The following KIRREL3 variants were observed in gnomAD, a reference collection of about 807,000 sequenced individuals.
KIRREL3 encodes the protein kirre like nephrin family adhesion molecule 3, also known as kin of IRRE-like protein 3.
In KIRREL3, 36 loss-of-function variants were observed where a neutral mutation model predicts 89.7. That is an observed-to-expected ratio of 0.40 (90% CI 0.31 to 0.53). KIRREL3 has a LOEUF of 0.53. KIRREL3 is among the 20% of genes least tolerant of loss of function. The probability of loss-of-function intolerance (pLI) is 0.49; values close to 1 mark genes in which losing one functional copy is unlikely to be tolerated. For missense variants in KIRREL3, 864 were observed against 1,056.6 expected (o/e 0.82, Z 2.53); for synonymous variants, 445 against 441.4 (o/e 1.01, Z -0.10).
In KIRREL3 at chr11:126,989,734, T is replaced by G. The variant is rs1949970285; in HGVS notation, c.55+10721A>C. Among the ~76,000 whole-genome samples the G allele has an allele frequency of 6.6e-6, 1 of 152,204 alleles. No homozygotes were observed. Among genetic ancestry groups the G allele is most frequent in the South Asian group, 2.1e-4 (1 of 4,828 alleles). On this transcript the variant is annotated intron_variant, in intron 1 of 16. Coordinates refer to ENST00000525144, the MANE Select transcript of KIRREL3 (RefSeq NM_032531.4). The surrounding 1 kb of genome is among the most constrained non-coding windows in gnomAD (Gnocchi z 6.2). ...TAGGGCCAACAGGGGAACGAAGTCTTAGGGCCAACAGGGTTCCCCCGGTGT... is the reference window on the plus strand; with the variant it reads ...TAGGGCCAACAGGGGAACGAAGTCTGAGGGCCAACAGGGTTCCCCCGGTGT...
At chr11:126,731,778 G>A (rs1488260751) in intron 1 of KIRREL3, among the ~76,000 whole-genome samples, 1 of 152,236 alleles carries the variant, frequency 6.6e-6, no homozygotes, top group African/African-American at 2.4e-5. Flanking sequence ...CTAATCACAT[G>A]TGGTGGCTGC....
chr11:126,875,162 C>T (rs921822244), intron 1 of KIRREL3, among the ~76,000 whole-genome samples: 11 of 152,292 alleles, frequency 7.2e-5, no homozygotes, highest in Admixed American at 5.9e-4. Flanking sequence ...CCAATATAGT[C>T]TTCAGCACAC....
intron 1 of KIRREL3, among the ~76,000 whole-genome samples, chr11:126,618,127 C>A (rs1210659663): frequency 2.0e-5 from 3 of 152,186 alleles, no homozygotes; most frequent in Non-Finnish European, 2.9e-5. Context: ...CCTCCCCACT[C>A]CCCTCTCCTC....
intron 1 of KIRREL3, among the ~76,000 whole-genome samples, chr11:126,833,036 C>A (rs1166632577): frequency 6.6e-6 from 1 of 152,146 alleles, no homozygotes; most frequent in Non-Finnish European, 1.5e-5. Context: ...TGTCCGTGTG[C>A]GGCTGTCCAT....
chr11:126,939,036 C>G (rs1387469648), intron 1 of KIRREL3, among the ~76,000 whole-genome samples: 1 of 152,156 alleles, frequency 6.6e-6, no homozygotes, highest in Non-Finnish European at 1.5e-5. Flanking sequence ...GAGCCCCGCC[C>G]TGCCAGGCAC....
chr11:126,667,514 CG>C (rs1026504791), intron 1 of KIRREL3, among the ~76,000 whole-genome samples: 2 of 152,092 alleles, frequency 1.3e-5, no homozygotes, highest in African/African-American at 4.8e-5. Flanking sequence ...AAGGGAAGAT[CG>C]GGGGAGAATA....
At chr11:126,436,217 G>C (rs1955330014) in intron 12 of KIRREL3, among the ~76,000 whole-genome samples, 1 of 152,172 alleles carries the variant, frequency 6.6e-6, no homozygotes, top group Admixed American at 6.5e-5. Context: ...AGGTACAGGG[G>C]TCCATGTGCC....
chr11:126,757,082 T>C (rs550419220), intron 1 of KIRREL3, among the ~76,000 whole-genome samples: 15 of 152,318 alleles, frequency 9.8e-5, no homozygotes, highest in African/African-American at 3.4e-4. Context: ...GCATTGGCAA[T>C]CAAGCATAAA....
At chr11:126,743,348 G>A (rs936176735) in intron 1 of KIRREL3, among the ~76,000 whole-genome samples, 8 of 152,148 alleles carry the variant, frequency 5.3e-5, no homozygotes, top group Non-Finnish European at 1.0e-4. Flanking sequence ...CACCTGGAAT[G>A]TTTGTTAACC....
At chr11:126,580,036 G>A (rs532800038) in intron 1 of KIRREL3, among the ~76,000 whole-genome samples, 4 of 152,068 alleles carry the variant, frequency 2.6e-5, no homozygotes, top group African/African-American at 7.2e-5. Context: ...TAGTAGAGAC[G>A]GGGTTTCACC....
Position 126,451,190 on chromosome 11 carries a change from CGT to C in KIRREL3, c.849-2035_849-2034del, listed in dbSNP as rs1176219360. Among the ~76,000 whole-genome samples, 197 of 121,362 alleles carry C rather than the reference CGT, an allele frequency of 1.6e-3. 1 individual carries two copies. The highest frequency in any genetic ancestry group is 4.4e-3 in the African/African-American group (136 of 31,040). 79.6% of individuals were successfully genotyped at this position (121,362 alleles called of 152,430 possible). On this transcript the variant is annotated intron_variant, in intron 7 of 16. Coordinates refer to ENST00000525144, the MANE Select transcript of KIRREL3 (RefSeq NM_032531.4). ...GAATGTGTACATGTGTGAATGTGGC[CGT>C]GTGTGTGCATGTGTGTGCATGTGTG...
At position 126,642,384 on chromosome 11, in the gene KIRREL3, CCAGGACTCCTA is replaced by C. The variant is rs1182649834; in HGVS notation, c.56-79483_56-79473del. On this transcript the variant is annotated intron_variant, in intron 1 of 16. Coordinates refer to ENST00000525144, the MANE Select transcript of KIRREL3 (RefSeq NM_032531.4). This position sits in a 1 kb window ranked among gnomAD's most constrained non-coding sequence, Gnocchi z 4.9. Reference sequence around the variant, plus strand: ...CCTGGGAGATAACATTGCATTTATTCCAGGACTCCTACAGGGAACAGGAGGGGAAGAAAATT... The same window carrying C: ...CCTGGGAGATAACATTGCATTTATTCCAGGGAACAGGAGGGGAAGAAAATT... Among the ~76,000 whole-genome samples, 2 of 152,288 alleles carry C rather than the reference CCAGGACTCCTA, an allele frequency of 1.3e-5. No individual in the cohort carries two copies. Among genetic ancestry groups the C allele is most frequent in the East Asian group, 3.9e-4 (2 of 5,186 alleles).
At chr11:126,469,654 T>C (rs766112031) in intron 5 of KIRREL3, among the ~76,000 whole-genome samples, 4 of 152,152 alleles carry the variant, frequency 2.6e-5, no homozygotes, top group Non-Finnish European at 5.9e-5. Context: ...ACCCCTTTGG[T>C]CTCCATGAGA....
Position 126,965,440 on chromosome 11 carries a change from C to A in KIRREL3, c.55+35015G>T, listed in dbSNP as rs1481918839. On this transcript the variant is annotated intron_variant, in intron 1 of 16. Coordinates refer to ENST00000525144, the MANE Select transcript of KIRREL3 (RefSeq NM_032531.4). This position sits in a 1 kb window ranked among gnomAD's most constrained non-coding sequence, Gnocchi z 4.4. ...TGGTTTATCCATGTATTTGCATAAT[C>A]ATTATCATCACATTCTAATTCTCAT... 6.6e-6 allele frequency among the ~76,000 whole-genome samples: 1 copy of A among 152,132 alleles called. No individual in the cohort carries two copies. The highest frequency in any genetic ancestry group is 1.5e-5 in the Non-Finnish European group (1 of 68,020).
intron 2 of KIRREL3, among the ~76,000 whole-genome samples, chr11:126,540,769 G>A (rs951846713): frequency 1.3e-5 from 2 of 152,230 alleles, no homozygotes; most frequent in African/African-American, 2.4e-5. Flanking sequence ...ATAGCAGAGT[G>A]GGTTTATGGT....
rs1287195143 is a variant in KIRREL3, at chr11:126,668,689, C to T, written c.56-105777G>A. Among the ~76,000 whole-genome samples, 1 of 149,598 alleles carries T rather than the reference C, an allele frequency of 6.7e-6. No homozygotes were observed. The highest frequency in any genetic ancestry group is 1.5e-5 in the Non-Finnish European group (1 of 67,328). On this transcript the variant is annotated intron_variant, in intron 1 of 16. Transcript: ENST00000525144. The surrounding 1 kb of genome is among the most constrained non-coding windows in gnomAD (Gnocchi z 4.4). Reference sequence around the variant, plus strand: ...TCTATAAAGAGCTGTTGGGAAGTTTCTGTTTTTCTTTCTTTCTTTCTTTCT... The same window carrying T: ...TCTATAAAGAGCTGTTGGGAAGTTTTTGTTTTTCTTTCTTTCTTTCTTTCT...
In KIRREL3 at chr11:126,531,738, A is replaced by G. The variant is rs894827654; in HGVS notation, c.134-5051T>C. Among the ~76,000 whole-genome samples the G allele has an allele frequency of 6.6e-6, 1 of 152,090 alleles. No individual in the cohort carries two copies. The highest frequency in any genetic ancestry group is 2.4e-5 in the African/African-American group (1 of 41,398). On this transcript the variant is annotated intron_variant, in intron 2 of 16. Coordinates refer to ENST00000525144, the MANE Select transcript of KIRREL3 (RefSeq NM_032531.4). The surrounding 1 kb of genome is among the most constrained non-coding windows in gnomAD (Gnocchi z 4.7). The stretch of plus-strand genomic sequence containing the variant: ...TCCAAACCTTTATTGAGCACCTACT[A>G]TATGTCAGATGCTGATGAAACAGAA...
chr11:126,633,295 T>A (rs1029528097), intron 1 of KIRREL3, among the ~76,000 whole-genome samples: 7 of 152,048 alleles, frequency 4.6e-5, no homozygotes, highest in Non-Finnish European at 8.8e-5. Flanking sequence ...ATGGCACACG[T>A]ATCCCTATGG....
chr11:126,441,373 C>A lies in KIRREL3; in HGVS notation c.1253-824G>T, dbSNP rs1204866806. Among the ~76,000 whole-genome samples the A allele has an allele frequency of 2.6e-5, 4 of 152,246 alleles. No individual in the cohort carries two copies. Among genetic ancestry groups the A allele is most frequent in the Admixed American group, 2.0e-4 (3 of 15,290 alleles). The stretch of plus-strand genomic sequence containing the variant: ...TGGTGGAGGGGAGCCTGTTCCCCAG[C>A]GCCTCCTGTCCAGTTCCGCCTGTTA... On this transcript the variant is annotated intron_variant, in intron 10 of 16. Coordinates refer to ENST00000525144, the MANE Select transcript of KIRREL3 (RefSeq NM_032531.4). This position sits in a 1 kb window ranked among gnomAD's most constrained non-coding sequence, Gnocchi z 5.0.
Sources: gnomAD v4.1 joint callset for allele counts (sites outside exome capture counted in the v4.1 genomes callset) on GRCh38, gnomAD v4.1.1 for gene constraint, Gnocchi (gnomAD v3.1) non-coding constraint, MANE v1.5 for transcripts, NCBI Gene and HGNC (gene_info 2026-07-23, HGNC 2026-07-21) for gene names.